Variants in SLC24A1 observed in about 807,000 individuals in gnomAD.
SLC24A1 encodes the protein solute carrier family 24 member 1.
In SLC24A1, 52 loss-of-function variants were observed where a neutral mutation model predicts 88.1. The ratio of observed to expected loss-of-function variants is 0.59; its 90% CI spans 0.47 to 0.74. The LOEUF (loss-of-function observed/expected upper bound fraction) is 0.74. Among genes scored for constraint, SLC24A1 ranks in the 30% least tolerant of loss-of-function variants. The pLI is 0.00. For missense variants in SLC24A1, 1,173 were observed against 1,363.3 expected, an observed-to-expected ratio of 0.86 and a Z score of 2.20; for synonymous variants, 455 against 498.0, an observed-to-expected ratio of 0.91 and a Z score of 1.15.
chr15:65,647,464 A>C (rs62014373), intron 6 of SLC24A1, among the ~76,000 whole-genome samples: 9,417 of 132,344 alleles, frequency 0.071, 340 homozygotes, highest in African/African-American at 0.11. Context: ...GGTGACAGAG[A>C]GAGACTGTCT....
chr15:65,651,670 G>T lies in SLC24A1; in HGVS notation c.2794G>T (p.Glu932Ter), dbSNP rs748399766. The change falls in exon 8 of 10, where the codon GAG becomes TAG. Residue 932 changes from glutamate to a stop codon, truncating the protein, a stop_gained and splice_region_variant. Coordinates refer to ENST00000261892, the MANE Select transcript of SLC24A1 (RefSeq NM_004727.3). LOFTEE classifies it high-confidence loss of function. ...WLTVPDVRRQ[E>*]SRKFFVFTFL... Reference sequence around the variant, plus strand: ...TTGTCCTTTTCAAACTTTCAAACAGGAGTCTAGGAAGTTTTTTGTTTTCAC... The same window carrying T: ...TTGTCCTTTTCAAACTTTCAAACAGTAGTCTAGGAAGTTTTTTGTTTTCAC... 6 of 1,552,872 alleles carry T rather than the reference G, an allele frequency of 3.9e-6. No individual in the cohort carries two copies. The highest frequency in any genetic ancestry group is 5.3e-6 in the Non-Finnish European group (6 of 1,125,306).
At position 65,624,652 on chromosome 15, in the gene SLC24A1, C is replaced by T. The variant is rs933577086; in HGVS notation, c.572C>T (p.Ser191Phe). ...AGGGAAAAGGTGAAGTATACTCCTT[C>T]CCCACGTGGTAGAAGAGTAGGCACT... ...QVREKVKYTP[S>F]PRGRRVGTYV... Residue 191 changes from serine to phenylalanine, a missense_variant, in exon 2 of 10, where the codon TCC becomes TTC. By Grantham distance (155) the Ser-to-Phe change is radical (BLOSUM62 -2). Coordinates refer to ENST00000261892, the MANE Select transcript of SLC24A1 (RefSeq NM_004727.3). 6.3e-6 allele frequency: 10 copies of T among 1,595,176 alleles called. No individual in the cohort carries two copies. The highest frequency in any genetic ancestry group is 8.5e-6 in the Non-Finnish European group (10 of 1,170,806).
intron 6 of SLC24A1, among the ~76,000 whole-genome samples, chr15:65,649,651 C>T (rs1242206145): frequency 6.6e-6 from 1 of 151,974 alleles, no homozygotes. Flanking sequence ...CATAAAACAC[C>T]GTAAGTGCTA....
rs150018086 is a variant in SLC24A1, at chr15:65,611,645, C to G, written c.-384C>G. On this transcript the variant is annotated 5_prime_UTR_variant, in exon 1 of 12. Transcript: ENST00000537259. The stretch of plus-strand genomic sequence containing the variant: ...TCCTCTTCCTGTTCTTTTTAAACTG[C>G]AATTCCTGAACTACAAATCCTGGCC... 7 of 163,078 alleles carry G rather than the reference C, an allele frequency of 4.3e-5. No homozygotes were observed. In the East Asian group the frequency reaches 1.2e-3, roughly 29 times the overall value. The allele number at this position is 163,078 out of a possible 1,614,324, so 10.1% of individuals were successfully genotyped here.
Position 65,638,191 on chromosome 15 carries a change from G to A in SLC24A1, c.1944+10G>A, listed in dbSNP as rs199865529. On this transcript the variant is annotated intron_variant, in intron 3 of 9. Coordinates refer to ENST00000261892, the MANE Select transcript of SLC24A1 (RefSeq NM_004727.3). ...TAACAAGAAGCTGAAGGTGGGTGCCGTATGGAGTCTGCCCAGTGGGGACAC... is the reference window on the plus strand; with the variant it reads ...TAACAAGAAGCTGAAGGTGGGTGCCATATGGAGTCTGCCCAGTGGGGACAC... The A allele has an allele frequency of 4.4e-5, 70 of 1,588,386 alleles. 1 individual carries two copies. Among genetic ancestry groups the A allele is most frequent in the African/African-American group, 9.4e-5 (7 of 74,460 alleles).
chr15:65,643,179 A>C (rs947335559), intron 4 of SLC24A1, among the ~76,000 whole-genome samples: 15 of 152,238 alleles, frequency 9.9e-5, no homozygotes, highest in African/African-American at 3.6e-4. Context: ...CAGATGAAGA[A>C]TCTGAAGTAC....
Position 65,625,173 on chromosome 15 carries a change from T to C in SLC24A1, c.1093T>C (p.Trp365Arg), listed in dbSNP as rs1297506857. 1 of 1,613,814 alleles carries C rather than the reference T, an allele frequency of 6.2e-7. No homozygotes were observed. Among genetic ancestry groups the C allele is most frequent in the African/African-American group, 1.3e-5 (1 of 74,924 alleles). Reference sequence around the variant, plus strand: ...CATCAAAACAGCCCCAGCCATAGTCTGGAGGCTGGCAAAGAAACCTTCCAC... The same window carrying C: ...CATCAAAACAGCCCCAGCCATAGTCCGGAGGCTGGCAAAGAAACCTTCCAC... ...SAIKTAPAIV[W>R]RLAKKPSTAP... Residue 365 changes from tryptophan (W) to arginine (R), a missense_variant, in exon 2 of 10, where the codon TGG becomes CGG. Physicochemically the swap from Trp to Arg is moderately radical, Grantham distance 101. Transcript: ENST00000261892.
intron 4 of SLC24A1, among the ~76,000 whole-genome samples, chr15:65,640,987 G>C (rs1038657232): frequency 1.3e-5 from 2 of 152,114 alleles, no homozygotes; most frequent in African/African-American, 2.4e-5. Flanking sequence ...CTTGAACCCG[G>C]GAGGTGGAGG....
At chr15:65,627,781 G>A (rs1200653834) in intron 2 of SLC24A1, among the ~76,000 whole-genome samples, 2 of 152,104 alleles carry the variant, frequency 1.3e-5, no homozygotes, top group Non-Finnish European at 2.9e-5. Flanking sequence ...CTTTTATTTA[G>A]ACTCTACAAA....
In SLC24A1 at chr15:65,654,334, C is replaced by CATCT; in HGVS notation, c.*256_*257insTCTA. The CATCT allele has an allele frequency of 7.8e-7, 1 of 1,279,562 alleles. No individual in the cohort carries two copies. Among genetic ancestry groups the CATCT allele is most frequent in the Non-Finnish European group, 9.9e-7 (1 of 1,012,906 alleles). The allele number at this position is 1,279,562 out of a possible 1,614,324, so 79.3% of individuals were successfully genotyped here. ...CATGCAGACATCTATTACATGGAGG[C>CATCT]AGTAGAAGGACCCCTGGAGCCAGAG... On this transcript the variant is annotated 3_prime_UTR_variant, in exon 10 of 10. Coordinates refer to ENST00000261892, the MANE Select transcript of SLC24A1 (RefSeq NM_004727.3).
intron 2 of SLC24A1, among the ~76,000 whole-genome samples, chr15:65,633,545 A>G (rs1293531010): frequency 6.6e-6 from 1 of 152,160 alleles, no homozygotes; most frequent in Non-Finnish European, 1.5e-5. Flanking sequence ...CTGTAATCCC[A>G]GCTACTCAGG....
At chr15:65,644,267 C>A in intron 4 of SLC24A1, 160 bp from the exon 5 acceptor site, 1 of 664,890 alleles carries the variant, frequency 1.5e-6, no homozygotes, top group South Asian at 1.6e-5. Flanking sequence ...CACAACTAGG[C>A]CTCGTAGGAT....
chr15:65,620,087 T>G (rs1041983029), upstream of SLC24A1, among the ~76,000 whole-genome samples: 1 of 149,752 alleles, frequency 6.7e-6, no homozygotes, highest in South Asian at 2.1e-4. Flanking sequence ...ATTTAATAAA[T>G]AACTTTATTT....
chr15:65,624,324 C>G lies in SLC24A1; in HGVS notation c.244C>G (p.Pro82Ala). The G allele has an allele frequency of 6.2e-7, 1 of 1,613,740 alleles. No homozygotes were observed. The highest frequency in any genetic ancestry group is 8.5e-7 in the Non-Finnish European group (1 of 1,179,814). ...GATGATGAGCAGCAGCCCTTCAAAA[C>G]CTAGCTCCGAAATGGGGGGTAAGAT... is the stretch of plus-strand genomic sequence containing the variant. The part of the protein sequence containing the change: ...MMMMSSSPSK[P>A]SSEMGGKMLV... Residue 82 changes from proline (P) to alanine (A), a missense_variant, in exon 2 of 10, where the codon CCT becomes GCT. Transcript: ENST00000261892.
chr15:65,619,271 C>T (rs1158497194), upstream of SLC24A1, among the ~76,000 whole-genome samples: 1 of 152,162 alleles, frequency 6.6e-6, no homozygotes, highest in East Asian at 1.9e-4. Context: ...AGACCTTAGG[C>T]TTGCTCCTCA....
chr15:65,654,331 A>G lies in SLC24A1; in HGVS notation c.*252A>G. 4 of 1,283,108 alleles carry G rather than the reference A, an allele frequency of 3.1e-6. No homozygotes were observed. Among genetic ancestry groups the G allele is most frequent in the Non-Finnish European group, 3.9e-6 (4 of 1,014,836 alleles). The allele number at this position is 1,283,108 out of a possible 1,614,324, so 79.5% of individuals were successfully genotyped here. On this transcript the variant is annotated 3_prime_UTR_variant, in exon 10 of 10. Transcript: ENST00000261892. ...ACTCATGCAGACATCTATTACATGG[A>G]GGCAGTAGAAGGACCCCTGGAGCCA...
chr15:65,629,110 A>G (rs1356063178), intron 2 of SLC24A1, among the ~76,000 whole-genome samples: 1 of 152,238 alleles, frequency 6.6e-6, no homozygotes, highest in Non-Finnish European at 1.5e-5. Context: ...AGTAAGAGCA[A>G]CATACTTGCA....
Position 65,656,013 on chromosome 15 carries a change from A to T in SLC24A1, c.*1934A>T, listed in dbSNP as rs1227710470. On this transcript the variant is annotated 3_prime_UTR_variant, in exon 10 of 10. Transcript: ENST00000261892. ...TGCTACTGCATTGCTGGGTTTCCAT[A>T]GCCAAGGCCTAAGAACAGGAGGAGA... The T allele has an allele frequency of 1.0e-6, 1 of 985,254 alleles. No homozygotes were observed. The highest frequency in any genetic ancestry group is 1.2e-6 in the Non-Finnish European group (1 of 829,936). The allele number at this position is 985,254 out of a possible 1,614,324, so 61.0% of individuals were successfully genotyped here. A position where few individuals can be genotyped will look rare whatever the true frequency, so the allele number is the denominator to read the frequency against.
At position 65,623,997 on chromosome 15, in the gene SLC24A1, T is replaced by C. The variant is rs1194709346; in HGVS notation, c.-84T>C. 1 of 1,304,232 alleles carries C rather than the reference T, an allele frequency of 7.7e-7. No individual in the cohort carries two copies. Among genetic ancestry groups the C allele is most frequent in the Admixed American group, 2.3e-5 (1 of 43,640 alleles). The allele number at this position is 1,304,232 out of a possible 1,614,324, so 80.8% of individuals were successfully genotyped here. A position where few individuals can be genotyped will look rare whatever the true frequency, so the allele number is the denominator to read the frequency against. ...GGCTGGGCTTCATGGAGAAATCTTC[T>C]CTGATCACCAACCTGAATCCCAGAG... On this transcript the variant is annotated 5_prime_UTR_variant, in exon 2 of 10. Transcript: ENST00000261892.
Sources: allele counts gnomAD v4.1 joint callset (sites outside exome capture counted in the v4.1 genomes callset), GRCh38; gene constraint gnomAD v4.1.1; transcripts MANE v1.5; gene names NCBI Gene and HGNC (gene_info 2026-07-23, HGNC 2026-07-21).